MMP17: variants seen among roughly 807,000 people sequenced by gnomAD.
MMP17 encodes the protein matrix metalloproteinase-17.
A neutral mutation model predicts 49.1 loss-of-function variants in MMP17; 54 were observed. The observed-to-expected ratio is 1.10, with a 90% CI of 0.88 to 1.38. The LOEUF (loss-of-function observed/expected upper bound fraction) is 1.38, where lower values mean the gene tolerates loss of function less well. MMP17 is among the 40% of genes most tolerant of loss of function. MMP17 has a pLI of 0.00. For synonymous variants in MMP17, 397 were observed against 383.1 expected (o/e 1.04, Z -0.42); for missense variants, 837 against 853.7 (o/e 0.98, Z 0.24).
rs929857685 is a variant in MMP17 at position 131,844,088 on chromosome 12, C to T, written c.968+7C>T. On this transcript the variant is annotated splice_region_variant and intron_variant, in intron 6 of 9. Transcript: ENST00000360564. ...ACAACCGGTCCAGCGCCCCGTAAGC[C>T]CTGGGCCCACGGTCACCACCCGCTG... 26 of 1,550,794 alleles carry T rather than the reference C, an allele frequency of 1.7e-5. No homozygotes were observed. The African/African-American group carries it at 3.1e-4, about 19-fold the overall frequency.
intron 1 of MMP17, among the ~76,000 whole-genome samples, chr12:131,831,457 G>C (rs1168681170): frequency 6.6e-6 from 1 of 152,040 alleles, no homozygotes; most frequent in Non-Finnish European, 1.5e-5. Context: ...GTGGCCTCTG[G>C]GTTCCTGGCC....
In MMP17 at chr12:131,846,055, C is replaced by T. The variant is rs146452939; in HGVS notation, c.1204+606C>T. Among the ~76,000 whole-genome samples the T allele has an allele frequency of 9.0e-3, 1,370 of 152,242 alleles. 17 individuals are homozygous for T. The highest frequency in any genetic ancestry group is 0.018 in the African/African-American group (763 of 41,534). On this transcript the variant is annotated intron_variant, in intron 8 of 9. Coordinates refer to ENST00000360564, the MANE Select transcript of MMP17 (RefSeq NM_016155.7). This position sits in a 1 kb window ranked among gnomAD's most constrained non-coding sequence, Gnocchi z 4.6. ...AGCACTCCTTTTGCCTCCAAGTCTC[C>T]GGGAAGGGCAGGAAAGGGAGACAGT... is the stretch of plus-strand genomic sequence containing the variant.
At chr12:131,830,061 G>T (rs1886713534) in intron 1 of MMP17, among the ~76,000 whole-genome samples, 1 of 152,224 alleles carries the variant, frequency 6.6e-6, no homozygotes, top group Admixed American at 6.5e-5. Context: ...GTGAACCCAG[G>T]CCCGCCTTCC....
At chr12:131,841,005 A>T (rs1887379697) in intron 4 of MMP17, 149 bp downstream of exon 4, 7 of 1,058,324 alleles carry the variant, frequency 6.6e-6, no homozygotes, top group Non-Finnish European at 9.3e-6. Flanking sequence ...CACTAGGCCG[A>T]TCTCACAGCA....
intron 1 of MMP17, among the ~76,000 whole-genome samples, chr12:131,833,229 T>G (rs1411082309): frequency 6.6e-6 from 1 of 152,264 alleles, no homozygotes; most frequent in Non-Finnish European, 1.5e-5. Flanking sequence ...CTGAGGGACA[T>G]GGGCACGAAT....
At position 131,841,175 on chromosome 12, in the gene MMP17, C is replaced by T. The variant is rs192290082; in HGVS notation, c.706+319C>T. 5.3e-5 allele frequency among the ~76,000 whole-genome samples: 8 copies of T among 152,334 alleles called. No homozygotes were observed. In the East Asian group the frequency reaches 5.8e-4, roughly 11 times the overall value. ...GCTCAGTGTCACTCCCGCTAAGTCCCGTTGTCTGCAGAAGTCTCAGCTCTG... is the reference window on the plus strand; with the variant it reads ...GCTCAGTGTCACTCCCGCTAAGTCCTGTTGTCTGCAGAAGTCTCAGCTCTG... On this transcript the variant is annotated intron_variant, in intron 4 of 9. Transcript: ENST00000360564.
Position 131,828,399 on chromosome 12 carries a change from G to C in MMP17, c.-96G>C. ...AGGCTGCCGCGCGGGGCTCAGTCCG[G>C]CGGGGGCGCCGCGGAGAGCGGAGGG... On this transcript the variant is annotated 5_prime_UTR_variant, in exon 1 of 10. Coordinates refer to ENST00000360564, the MANE Select transcript of MMP17 (RefSeq NM_016155.7). 1 of 735,586 alleles carries C rather than the reference G, an allele frequency of 1.4e-6. No homozygotes were observed. The allele number at this position is 735,586 out of a possible 1,614,324, so 45.6% of individuals were successfully genotyped here. A position where few individuals can be genotyped will look rare whatever the true frequency, so the allele number is the denominator to read the frequency against.
At chr12:131,850,264 C>G (rs1005711363) in intron 9 of MMP17, among the ~76,000 whole-genome samples, 1 of 152,172 alleles carries the variant, frequency 6.6e-6, no homozygotes, top group Non-Finnish European at 1.5e-5. Flanking sequence ...ACGAGCTGCC[C>G]TTGTTCTCCC....
chr12:131,844,566 A>C (rs1362148330), intron 6 of MMP17: 1 of 226,530 alleles, frequency 4.4e-6, no homozygotes, highest in African/African-American at 2.3e-5. Context: ...TTGTCTTGAG[A>C]GCTGGTATTG....
At chr12:131,844,258 C>T in intron 6 of MMP17, 177 bp downstream of exon 6, 2 of 610,736 alleles carry the variant, frequency 3.3e-6, no homozygotes, top group Non-Finnish European at 5.7e-6. Flanking sequence ...CCGGCCCTCC[C>T]CTGCCAGGGG....
Position 131,845,643 on chromosome 12 carries a change from G to A in MMP17, c.1204+194G>A, listed in dbSNP as rs186661195. 3.8e-3 allele frequency among the ~76,000 whole-genome samples: 579 copies of A among 152,336 alleles called. 9 individuals carry two copies. Among genetic ancestry groups the A allele is most frequent in the African/African-American group, 0.013 (555 of 41,574 alleles). The stretch of plus-strand genomic sequence containing the variant: ...CTGTATGCCCCGTCCTGAGGCAGCC[G>A]CTGTAGGCACACAGAGGGCAAAACG... On this transcript the variant is annotated intron_variant, in intron 8 of 9. Transcript: ENST00000360564.
intron 1 of MMP17, among the ~76,000 whole-genome samples, chr12:131,835,720 G>A (rs1887052007): frequency 6.6e-6 from 1 of 152,216 alleles, no homozygotes; most frequent in Admixed American, 6.5e-5. Context: ...AGGGGGCAGG[G>A]GGTCATCATC....
chr12:131,846,595 G>A lies in MMP17; in HGVS notation c.1204+1146G>A, dbSNP rs1001280557. Reference sequence around the variant, plus strand: ...TCACCACGTTGGCCAGGCTGGTCTCGAACTCCTGACTTCAGGTGATCCACC... The same window carrying A: ...TCACCACGTTGGCCAGGCTGGTCTCAAACTCCTGACTTCAGGTGATCCACC... On this transcript the variant is annotated intron_variant, in intron 8 of 9. Transcript: ENST00000360564. The surrounding 1 kb of genome is among the most constrained non-coding windows in gnomAD (Gnocchi z 4.6). 2.0e-5 allele frequency among the ~76,000 whole-genome samples: 3 copies of A among 151,962 alleles called. No individual in the cohort carries two copies. In the South Asian group the frequency reaches 6.2e-4, roughly 31 times the overall value.
intron 2 of MMP17, 104 bp downstream of exon 2, chr12:131,838,431 GA>G: frequency 6.7e-6 from 10 of 1,489,878 alleles, no homozygotes; most frequent in Non-Finnish European, 9.0e-6. Context: ...ATGCTTGAAT[GA>G]ACCTGGGTCC....
intron 8 of MMP17, among the ~76,000 whole-genome samples, chr12:131,848,476 G>A (rs1473161345): frequency 6.6e-6 from 1 of 152,198 alleles, no homozygotes. Flanking sequence ...CATGAAGCAC[G>A]TTCACGTTGC....
chr12:131,850,453 G>A (rs367687193), intron 9 of MMP17, among the ~76,000 whole-genome samples: 4 of 152,218 alleles, frequency 2.6e-5, no homozygotes, highest in African/African-American at 7.2e-5. Context: ...GTCCCACAGT[G>A]TAGAAGAAAC....
Position 131,838,948 on chromosome 12 carries a change from C to T in MMP17, c.422+207C>T, listed in dbSNP as rs898964969. Reference sequence around the variant, plus strand: ...GTGGGGAACGGGGTCTCCGTGGAGGCGGGTGCGTGGCCAGGGTGAGGAGTG... The same window carrying T: ...GTGGGGAACGGGGTCTCCGTGGAGGTGGGTGCGTGGCCAGGGTGAGGAGTG... On this transcript the variant is annotated intron_variant, in intron 3 of 9. Transcript: ENST00000360564. Among the ~76,000 whole-genome samples the T allele has an allele frequency of 1.1e-4, 15 of 137,596 alleles. No homozygotes were observed. In the South Asian group the frequency reaches 1.4e-3, roughly 13 times the overall value. 90.3% of individuals were successfully genotyped at this position (137,596 alleles called of 152,430 possible). A position where few individuals can be genotyped will look rare whatever the true frequency, so the allele number is the denominator to read the frequency against.
rs935905609 is a variant in MMP17 at position 131,847,407 on chromosome 12, C to T, written c.1204+1958C>T. ...CAGCCTGGGTGACAGAGCGAGACTC[C>T]GTCTCAAAAAAAAAAAAAAAAAATC... On this transcript the variant is annotated intron_variant, in intron 8 of 9. Transcript: ENST00000360564. 1.9e-4 allele frequency among the ~76,000 whole-genome samples: 27 copies of T among 143,632 alleles called. No homozygotes were observed. In the East Asian group the frequency reaches 4.0e-3, roughly 22 times the overall value. The allele number at this position is 143,632 out of a possible 152,430, so 94.2% of individuals were successfully genotyped here.
intron 6 of MMP17, chr12:131,844,416 T>C (rs1887585513): frequency 2.7e-6 from 1 of 375,876 alleles, no homozygotes; most frequent in African/African-American, 2.2e-5. Context: ...GGCCTGCGAG[T>C]GTCTGGCCTG....
Sources: allele counts gnomAD v4.1 joint callset (sites outside exome capture counted in the v4.1 genomes callset), GRCh38; gene constraint gnomAD v4.1.1; non-coding constraint Gnocchi (gnomAD v3.1); transcripts MANE v1.5; gene names NCBI Gene and HGNC (gene_info 2026-07-23, HGNC 2026-07-21).